The following SCAPER variants were observed in gnomAD, a reference collection of about 807,000 sequenced individuals.
SCAPER encodes the protein S-phase cyclin A associated protein in the ER.
A neutral mutation model predicts 182.2 loss-of-function variants in SCAPER; 98 were observed. The ratio of observed to expected loss-of-function variants is 0.54; its 90% CI spans 0.46 to 0.64. The LOEUF is 0.64. Ranked by LOEUF, SCAPER falls within the 30% of genes least tolerant of loss-of-function variation. The probability of loss-of-function intolerance (pLI) is 0.00; values close to 1 mark genes in which losing one functional copy is unlikely to be tolerated. For missense variants in SCAPER, 1,432 were observed against 1,690.0 expected (o/e 0.85, Z 2.68); for synonymous variants, 605 against 564.6 (o/e 1.07, Z -1.01).
At chr15:76,902,737 A>T (rs1299275061) in intron 1 of SCAPER, among the ~76,000 whole-genome samples, 1 of 152,156 alleles carries the variant, frequency 6.6e-6, no homozygotes, top group Non-Finnish European at 1.5e-5. Context: ...TATCCTTTAA[A>T]ACTAGTCTGG....
intron 26 of SCAPER, among the ~76,000 whole-genome samples, chr15:76,405,846 C>T (rs1195585325): frequency 6.6e-6 from 1 of 152,102 alleles, no homozygotes; most frequent in Non-Finnish European, 1.5e-5. Context: ...GCACTACAGT[C>T]CCCACTATTC....
chr15:76,770,931 C>T (rs2063432294), intron 10 of SCAPER, among the ~76,000 whole-genome samples: 1 of 151,960 alleles, frequency 6.6e-6, no homozygotes. Flanking sequence ...CCTTTTTACC[C>T]TTAAACAACC....
At chr15:76,850,761 G>A (rs928938358) in intron 4 of SCAPER, among the ~76,000 whole-genome samples, 5 of 151,174 alleles carry the variant, frequency 3.3e-5, no homozygotes. Context: ...TCAGGAGGAT[G>A]AGGCAGGAGA....
intron 2 of SCAPER, among the ~76,000 whole-genome samples, chr15:76,878,882 A>T (rs1328848237): frequency 6.6e-6 from 1 of 152,200 alleles, no homozygotes; most frequent in South Asian, 2.1e-4. Context: ...TTCACAAATG[A>T]TATCTAAATG....
intron 23 of SCAPER, among the ~76,000 whole-genome samples, chr15:76,524,689 G>GTTT (rs35944222): frequency 2.4e-4 from 12 of 50,114 alleles, no homozygotes; most frequent in African/African-American, 4.1e-4. Context: ...TTTTTGTTCT[G>GTTT]TTTTTTTTTT....
intron 24 of SCAPER, among the ~76,000 whole-genome samples, chr15:76,480,349 G>A (rs2051007610): frequency 6.6e-6 from 1 of 152,192 alleles, no homozygotes; most frequent in African/African-American, 2.4e-5. Context: ...AGAATTATGT[G>A]AAACTAGGGA....
rs185235755 is a variant in SCAPER, at chr15:76,419,481, G to C, written c.3311+14597C>G. Among the ~76,000 whole-genome samples, 14 of 152,198 alleles carry C rather than the reference G, an allele frequency of 9.2e-5. No homozygotes were observed. In the East Asian group the frequency reaches 2.3e-3, roughly 25 times the overall value. ...CATGTCTGTAATCCCAGCACTTTGC[G>C]AGGCCAAGGTGGGCAGATCATCTGA... On this transcript the variant is annotated intron_variant, in intron 26 of 31. Transcript: ENST00000563290.
chr15:76,525,450 T>A (rs1045185401), intron 23 of SCAPER, among the ~76,000 whole-genome samples: 2 of 152,180 alleles, frequency 1.3e-5, no homozygotes, highest in Admixed American at 6.5e-5. Flanking sequence ...TACTACATGA[T>A]GCTGAGGTTG....
At chr15:76,819,156 G>C (rs1434018485) in intron 5 of SCAPER, among the ~76,000 whole-genome samples, 3 of 152,228 alleles carry the variant, frequency 2.0e-5, no homozygotes, top group Non-Finnish European at 2.9e-5. Context: ...CTCCACATCT[G>C]GGGGCAGGGC....
Position 76,519,396 on chromosome 15 carries a change from A to G in SCAPER, c.2839-14422T>C, listed in dbSNP as rs1047768411. On this transcript the variant is annotated intron_variant, in intron 23 of 31. Transcript: ENST00000563290. Reference sequence around the variant, plus strand: ...GGAGGCCTTTTTAGCAGGGAAAGGGAGAAGTAGGGATCTGAGAAAGATAGG... The same window carrying G: ...GGAGGCCTTTTTAGCAGGGAAAGGGGGAAGTAGGGATCTGAGAAAGATAGG... Among the ~76,000 whole-genome samples, 3 of 152,212 alleles carry G rather than the reference A, an allele frequency of 2.0e-5. No individual in the cohort carries two copies. In the South Asian group the frequency reaches 6.2e-4, roughly 31 times the overall value.
intron 24 of SCAPER, among the ~76,000 whole-genome samples, chr15:76,486,940 C>T (rs969840395): frequency 1.3e-5 from 2 of 152,112 alleles, no homozygotes; most frequent in African/African-American, 4.8e-5. Flanking sequence ...TGGAATCAAC[C>T]TAAATGCCAA....
intron 8 of SCAPER, among the ~76,000 whole-genome samples, chr15:76,790,700 C>T (rs147662270): frequency 6.6e-6 from 1 of 152,256 alleles, no homozygotes; most frequent in East Asian, 1.9e-4. Context: ...ATAACAATCA[C>T]TTCTTGGTCT....
chr15:76,457,966 A>C (rs1335420399), intron 25 of SCAPER, among the ~76,000 whole-genome samples: 2 of 151,864 alleles, frequency 1.3e-5, no homozygotes, highest in East Asian at 3.9e-4. Context: ...TTGTCAACAA[A>C]TTCTCGGAGG....
chr15:76,412,508 A>AT (rs892434419), intron 26 of SCAPER, among the ~76,000 whole-genome samples: 6 of 150,632 alleles, frequency 4.0e-5, no homozygotes, highest in South Asian at 2.1e-4. Context: ...AAAATAGTGT[A>AT]TTTTTTTTTC....
intron 27 of SCAPER, among the ~76,000 whole-genome samples, chr15:76,388,416 A>AC (rs1473021566): frequency 2.0e-5 from 3 of 151,966 alleles, no homozygotes; most frequent in African/African-American, 7.3e-5. Context: ...TCATCGCCTC[A>AC]CTGCACTCCA....
intron 15 of SCAPER, among the ~76,000 whole-genome samples, chr15:76,747,958 C>A (rs149068447): frequency 6.6e-6 from 1 of 151,264 alleles, no homozygotes; most frequent in East Asian, 1.9e-4. Flanking sequence ...CTTCAACAAA[C>A]GGTGCTGGGA....
intron 17 of SCAPER, among the ~76,000 whole-genome samples, chr15:76,724,037 A>G (rs1036381571): frequency 3.3e-5 from 5 of 151,940 alleles, no homozygotes; most frequent in Non-Finnish European, 7.4e-5. Flanking sequence ...TTACAATTTG[A>G]CATGTTTTTG....
intron 4 of SCAPER, among the ~76,000 whole-genome samples, chr15:76,847,970 T>C (rs959410546): frequency 3.9e-5 from 6 of 152,198 alleles, no homozygotes; most frequent in Non-Finnish European, 8.8e-5. Context: ...TCCCTGTATT[T>C]AGCAGGTTTT....
chr15:76,555,907 C>T (rs1376761785), intron 23 of SCAPER, among the ~76,000 whole-genome samples: 1 of 152,102 alleles, frequency 6.6e-6, no homozygotes, highest in Non-Finnish European at 1.5e-5. Context: ...CAGAACTGTC[C>T]TCCCCCAAAT....
Sources: gnomAD v4.1 joint callset for allele counts (sites outside exome capture counted in the v4.1 genomes callset) on GRCh38, gnomAD v4.1.1 for gene constraint, MANE v1.5 for transcripts, NCBI Gene and HGNC (gene_info 2026-07-23, HGNC 2026-07-21) for gene names.